HEMK2: variants seen among roughly 807,000 people sequenced by gnomAD.
HEMK2 encodes the protein HemK methyltransferase 2, ETF1 glutamine and histone H4 lysine, also known as methyltransferase HEMK2.
the HEMK2 span, among the ~76,000 whole-genome samples, chr21:28,839,825 T>A: frequency 3.9e-5 from 6 of 151,986 alleles, no homozygotes; most frequent in Non-Finnish European, 8.8e-5. Context: ...GCAATCCCCA[T>A]CAAAATACCA....
chr21:28,772,416 G>T, the HEMK2 span, among the ~76,000 whole-genome samples: 1 of 152,106 alleles, frequency 6.6e-6, no homozygotes, highest in African/African-American at 2.4e-5. Context: ...GGTTTTGGCA[G>T]CTCATTATAC....
chr21:28,719,753 T>G, the HEMK2 span, among the ~76,000 whole-genome samples: 3 of 152,220 alleles, frequency 2.0e-5, no homozygotes, highest in East Asian at 5.8e-4. Context: ...CCCACCCAAA[T>G]ACACGGAAAG....
the HEMK2 span, among the ~76,000 whole-genome samples, chr21:28,607,137 G>A: frequency 6.6e-6 from 1 of 152,152 alleles, no homozygotes; most frequent in African/African-American, 2.4e-5. Flanking sequence ...AGGGCCGGGT[G>A]CAGTGGTTCA....
the HEMK2 span, among the ~76,000 whole-genome samples, chr21:28,727,664 T>C: frequency 6.6e-6 from 1 of 152,226 alleles, no homozygotes; most frequent in Non-Finnish European, 1.5e-5. Flanking sequence ...AATAGATTAA[T>C]TTGTGGGGAT....
chr21:28,885,338 C>T, the HEMK2 span: 2 of 1,575,934 alleles, frequency 1.3e-6, no homozygotes, highest in Non-Finnish European at 1.7e-6. Context: ...GAAGTTCTCC[C>T]CTGCCATAGT....
chr21:28,865,875 C>A, the HEMK2 span, among the ~76,000 whole-genome samples: 1 of 152,060 alleles, frequency 6.6e-6, no homozygotes, highest in Non-Finnish European at 1.5e-5. Context: ...CCACATATCC[C>A]CACTGTTTCA....
chr21:28,821,201 C>T, the HEMK2 span, among the ~76,000 whole-genome samples: 5 of 152,152 alleles, frequency 3.3e-5, no homozygotes, highest in South Asian at 1.0e-3. Context: ...CCCCGGCCCC[C>T]TCCATTTGGT....
At chr21:28,576,820 CCT>C in the HEMK2 span, among the ~76,000 whole-genome samples, 2 of 152,128 alleles carry the variant, frequency 1.3e-5, no homozygotes, top group East Asian at 1.9e-4. Context: ...AAGCAATTCC[CCT>C]GTCTCCACCT....
chr21:28,613,619 CTT>C, the HEMK2 span, among the ~76,000 whole-genome samples: 257 of 82,666 alleles, frequency 3.1e-3, no homozygotes, highest in African/African-American at 0.012. Flanking sequence ...TCTGCATATT[CTT>C]TTTTTTTTTT....
At chr21:28,853,814 C>G in the HEMK2 span, among the ~76,000 whole-genome samples, 7 of 152,190 alleles carry the variant, frequency 4.6e-5, no homozygotes, top group East Asian at 1.3e-3. Flanking sequence ...AGAGTTTACA[C>G]GCTCAATGTC....
chr21:28,612,028 T>G, the HEMK2 span, among the ~76,000 whole-genome samples: 3,537 of 151,486 alleles, frequency 0.023, 109 homozygotes, highest in East Asian at 0.12. Context: ...TTATTGACAC[T>G]ATTCCAAAAG....
the HEMK2 span, among the ~76,000 whole-genome samples, chr21:28,607,844 G>T: frequency 6.6e-6 from 1 of 152,176 alleles, no homozygotes. Flanking sequence ...AAGAAATATT[G>T]CAAACATTGA....
chr21:28,856,820 AC>A, the HEMK2 span, among the ~76,000 whole-genome samples: 9 of 152,182 alleles, frequency 5.9e-5, no homozygotes, highest in Non-Finnish European at 1.2e-4. Flanking sequence ...GGCCCATGCT[AC>A]CAGGGTTTTG....
At chr21:28,819,732 T>C in the HEMK2 span, among the ~76,000 whole-genome samples, 1 of 151,912 alleles carries the variant, frequency 6.6e-6, no homozygotes, top group South Asian at 2.1e-4. Flanking sequence ...GTATTTTTAG[T>C]AGAGACGGAA....
At chr21:28,783,902 C>T in the HEMK2 span, among the ~76,000 whole-genome samples, 1 of 152,220 alleles carries the variant, frequency 6.6e-6, no homozygotes, top group Non-Finnish European at 1.5e-5. Context: ...GCACCCAGGC[C>T]AGCAGCTGCA....
the HEMK2 span, among the ~76,000 whole-genome samples, chr21:28,618,816 G>A: frequency 2.0e-5 from 3 of 152,044 alleles, no homozygotes; most frequent in Non-Finnish European, 2.9e-5. Flanking sequence ...GTGTGACTGT[G>A]GAAAATTAAC....
chr21:28,576,565 T>C, the HEMK2 span, among the ~76,000 whole-genome samples: 1 of 152,208 alleles, frequency 6.6e-6, no homozygotes, highest in South Asian at 2.1e-4. Context: ...AATAGAATTT[T>C]CATTTTTATA....
chr21:28,648,079 T>A, the HEMK2 span, among the ~76,000 whole-genome samples: 1 of 152,328 alleles, frequency 6.6e-6, no homozygotes, highest in Non-Finnish European at 1.5e-5. Flanking sequence ...TTCTTAATGG[T>A]GTTTTATACT....
chr21:28,824,944 T>C, the HEMK2 span, among the ~76,000 whole-genome samples: 1 of 152,232 alleles, frequency 6.6e-6, no homozygotes. Flanking sequence ...TCAGTTTTAG[T>C]ACTGAAAGTC....
Sources: gnomAD v4.1 joint callset for allele counts (sites outside exome capture counted in the v4.1 genomes callset) on GRCh38, gnomAD v4.1.1 for gene constraint, MANE v1.5 for transcripts, NCBI Gene and HGNC (gene_info 2026-07-23, HGNC 2026-07-21) for gene names.